The following DNAH17 variants were observed in gnomAD, a reference collection of about 807,000 sequenced individuals.
DNAH17 encodes dynein axonemal heavy chain 17.
In DNAH17, 376 loss-of-function variants were observed where a neutral mutation model predicts 485.6. That is an observed-to-expected ratio of 0.77 (90% confidence interval 0.71 to 0.84). DNAH17 has a LOEUF of 0.84. Ranked by LOEUF, DNAH17 falls within the 40% of genes least tolerant of loss-of-function variation. The probability of loss-of-function intolerance (pLI) is 0.00; values close to 1 mark genes in which losing one functional copy is unlikely to be tolerated. For synonymous variants in DNAH17, 3,031 were observed against 2,405.9 expected, an observed-to-expected ratio of 1.26 and a Z score of -7.60; for missense variants, 6,370 against 5,839.3, an observed-to-expected ratio of 1.09 and a Z score of -2.96.
chr17:78,564,348 G>A (rs1018426063), intron 11 of DNAH17, among the ~76,000 whole-genome samples: 6 of 151,428 alleles, frequency 4.0e-5, no homozygotes, highest in East Asian at 1.9e-4. Context: ...GGCCCTGGCC[G>A]GGTGACCAAG....
chr17:78,568,550 CTCTCA>C (rs147520175), intron 9 of DNAH17, among the ~76,000 whole-genome samples: 3,248 of 152,290 alleles, frequency 0.021, 109 homozygotes, highest in African/African-American at 0.074. Flanking sequence ...GTCTTGATCC[CTCTCA>C]TCTCTTCTCT....
In DNAH17 at chr17:78,426,990, T is replaced by C. The variant is rs147406428; in HGVS notation, c.12707A>G (p.Glu4236Gly). Reference protein sequence around the residue: ...PYVVVAFQECERMNILTNEMR... With the variant: ...PYVVVAFQECGRMNILTNEMR... ...TTCGTTGGTCAGGATGTTCATTCTT[T>C]CACATTCTTGAAAGGCGACTACCAC... The change falls in exon 78 of 81, where the codon GAA becomes GGA. Residue 4236 changes from glutamate (E) to glycine (G), a missense_variant. Glu to Gly is a moderately conservative substitution (Grantham distance 98, BLOSUM62 -2). Transcript: ENST00000389840. The C allele has an allele frequency of 4.2e-5, 68 of 1,610,602 alleles. No homozygotes were observed. Among genetic ancestry groups the C allele is most frequent in the Middle Eastern group, 1.6e-4 (1 of 6,084 alleles).
Position 78,552,716 on chromosome 17 carries a change from T to C in DNAH17, c.2268A>G (p.Thr756=), listed in dbSNP as rs2091930907. The stretch of plus-strand genomic sequence containing the variant: ...CCGTACCTTCGCCATTCCAGAATAA[T>C]GTCGTTTCAGCGCTCAATAACTTGA... ...IDVKLLSAET[T]LFWNGEGVFQ... The change falls in exon 15 of 81, where the codon ACA becomes ACG. Residue 756 remains threonine, a synonymous_variant. Coordinates refer to ENST00000389840, the MANE Select transcript of DNAH17 (RefSeq NM_173628.4). The C allele has an allele frequency of 1.2e-6, 2 of 1,613,898 alleles. No homozygotes were observed. Among genetic ancestry groups the C allele is most frequent in the Non-Finnish European group, 1.7e-6 (2 of 1,179,784 alleles).
intron 25 of DNAH17, among the ~76,000 whole-genome samples, chr17:78,524,550 G>A (rs76976553): frequency 0.028 from 4,266 of 152,246 alleles, 97 homozygotes; most frequent in Non-Finnish European, 0.04. Context: ...CACAAAGTGC[G>A]TCCTCACCAG....
At chr17:78,473,804 TAG>T (rs1021054986) in intron 54 of DNAH17, among the ~76,000 whole-genome samples, 2 of 152,186 alleles carry the variant, frequency 1.3e-5, no homozygotes, top group African/African-American at 2.4e-5. Context: ...GTTAATAGAC[TAG>T]AGACTTCAAT....
chr17:78,494,946 A>G lies in DNAH17; in HGVS notation c.6042+13T>C, dbSNP rs2090012600. The G allele has an allele frequency of 6.2e-7, 1 of 1,606,960 alleles. No homozygotes were observed. Among genetic ancestry groups the G allele is most frequent in the East Asian group, 2.2e-5 (1 of 44,690 alleles). The stretch of plus-strand genomic sequence containing the variant: ...CCCACCCACACCCGCCGTGAGCTCC[A>G]GGACACACACACCTGCTTCGAGAGC... On this transcript the variant is annotated intron_variant, in intron 39 of 80. Coordinates refer to ENST00000389840, the MANE Select transcript of DNAH17 (RefSeq NM_173628.4).
chr17:78,475,362 G>A lies in DNAH17; in HGVS notation c.8427C>T (p.Ser2809=). ...LVGVGGSGKQ[S]LSRLAAYISG... ...TGATGTACGCTGCCAGGCGGGAGAG[G>A]CTCTGTTTGCCACTGCCGCCCACCC... is the stretch of plus-strand genomic sequence containing the variant. The change falls in exon 54 of 81, where the codon AGC becomes AGT. Residue 2809 remains serine, a synonymous_variant. Coordinates refer to ENST00000389840, the MANE Select transcript of DNAH17 (RefSeq NM_173628.4). The A allele has an allele frequency of 1.2e-6, 2 of 1,613,986 alleles. No homozygotes were observed. The highest frequency in any genetic ancestry group is 2.2e-5 in the East Asian group (1 of 44,888).
chr17:78,496,077 C>G, intron 37 of DNAH17, 45 bp from the exon 38 acceptor site: 2 of 1,587,968 alleles, frequency 1.3e-6, no homozygotes, highest in Non-Finnish European at 1.7e-6. Flanking sequence ...AAATGGCCAG[C>G]TTCCACACAC....
intron 54 of DNAH17, among the ~76,000 whole-genome samples, chr17:78,470,298 C>G (rs941280717): frequency 6.6e-6 from 1 of 150,640 alleles, no homozygotes. Context: ...GAACTCCGGA[C>G]CTCAAGTGAT....
rs1204987271 is a variant in DNAH17, at chr17:78,552,724, C to G, written c.2260G>C (p.Glu754Gln). Residue 754 changes from glutamate (E) to glutamine (Q), a missense_variant, in exon 15 of 81, where the codon GAA (glutamate) becomes CAA (glutamine). Coordinates refer to ENST00000389840, the MANE Select transcript of DNAH17 (RefSeq NM_173628.4). Reference protein sequence around the residue: ...EAIDVKLLSAETTLFWNGEGV... With the variant: ...EAIDVKLLSAQTTLFWNGEGV... ...TCGCCATTCCAGAATAATGTCGTTTCAGCGCTCAATAACTTGACATCAATT... is the reference window on the plus strand; with the variant it reads ...TCGCCATTCCAGAATAATGTCGTTTGAGCGCTCAATAACTTGACATCAATT... 6.2e-7 allele frequency: 1 copy of G among 1,613,780 alleles called. No homozygotes were observed. The highest frequency in any genetic ancestry group is 8.5e-7 in the Non-Finnish European group (1 of 1,179,828).
chr17:78,461,415 A>G (rs2088119739), intron 58 of DNAH17, 129 bp downstream of exon 58: 1 of 1,033,210 alleles, frequency 9.7e-7, no homozygotes, highest in African/African-American at 1.7e-5. Context: ...TGGTTTAGGA[A>G]CCTTGTCCTT....
At position 78,426,450 on chromosome 17, in the gene DNAH17, C is replaced by T; in HGVS notation, c.12915+7G>A. The T allele has an allele frequency of 1.9e-6, 3 of 1,590,906 alleles. No individual in the cohort carries two copies. The highest frequency in any genetic ancestry group is 1.7e-6 in the Non-Finnish European group (2 of 1,168,502). ...TTAGGAAGCCTCTCAGAGAAAACGGCACTTACCCTGATGCGGAGCAGCAGG... is the reference window on the plus strand; with the variant it reads ...TTAGGAAGCCTCTCAGAGAAAACGGTACTTACCCTGATGCGGAGCAGCAGG... On this transcript the variant is annotated splice_region_variant and intron_variant, in intron 79 of 80. Coordinates refer to ENST00000389840, the MANE Select transcript of DNAH17 (RefSeq NM_173628.4).
chr17:78,462,791 G>T, intron 57 of DNAH17, 53 bp downstream of exon 57: 1 of 1,578,724 alleles, frequency 6.3e-7, no homozygotes, highest in South Asian at 1.1e-5. Flanking sequence ...AGCAGCTCCT[G>T]CGAGGCCTCC....
rs182743410 is a variant in DNAH17, at chr17:78,475,612, G to A, written c.8319+57C>T. 2.1e-4 allele frequency: 335 copies of A among 1,605,550 alleles called. 1 individual carries two copies. The highest frequency in any genetic ancestry group is 8.0e-5 in the Non-Finnish European group (94 of 1,175,212). ...CCACTCGGATGTCGATAATGCAACCGGAGAGGGTGACCCGGTCCAGGTCCC... is the reference window on the plus strand; with the variant it reads ...CCACTCGGATGTCGATAATGCAACCAGAGAGGGTGACCCGGTCCAGGTCCC... On this transcript the variant is annotated intron_variant, in intron 53 of 80. Transcript: ENST00000389840.
At chr17:78,466,920 G>T (rs1223643067) in intron 55 of DNAH17, 104 bp from the exon 56 acceptor site, 1 of 1,299,196 alleles carries the variant, frequency 7.7e-7, no homozygotes, top group Non-Finnish European at 1.0e-6. Context: ...CGCCCTGCCG[G>T]GCTCAGCCGC....
At chr17:78,524,649 T>G (rs1598639549) in intron 25 of DNAH17, among the ~76,000 whole-genome samples, 2 of 152,214 alleles carry the variant, frequency 1.3e-5, no homozygotes, top group East Asian at 3.9e-4. Context: ...TTTATGGGAT[T>G]TTGTTAGAGC....
rs76221402 is a variant in DNAH17 at position 78,531,187 on chromosome 17, A to T, written c.3115-675T>A. Among the ~76,000 whole-genome samples the T allele has an allele frequency of 7.4e-3, 1,122 of 152,088 alleles. 36 individuals carry two copies. The East Asian group carries it at 0.078, about 11-fold the overall frequency. On this transcript the variant is annotated intron_variant, in intron 20 of 80. Coordinates refer to ENST00000389840, the MANE Select transcript of DNAH17 (RefSeq NM_173628.4). ...ACTGTACTGGGGTCTCTCCCTTTAG[A>T]TCTACCACTGTTTGCTTTATATATC...
chr17:78,460,316 G>A (rs981736077), intron 58 of DNAH17, 59 bp from the exon 59 acceptor site: 24 of 1,156,868 alleles, frequency 2.1e-5, no homozygotes, highest in South Asian at 2.9e-5. Flanking sequence ...CTGTGGGGGC[G>A]TGTACGTGCA....
In DNAH17 at chr17:78,570,282, T is replaced by C; in HGVS notation, c.1009A>G (p.Ile337Val). The change falls in exon 7 of 81, where the codon ATC becomes GTC. Residue 337 changes from isoleucine to valine, a missense_variant. Coordinates refer to ENST00000389840, the MANE Select transcript of DNAH17 (RefSeq NM_173628.4). ...YYNTPARIIV[I>V]LQEFCNQIIE... is the part of the protein sequence containing the mutation. ...ATTTGGTTGCAGAACTCCTGCAGGA[T>C]GACGATGATCCTGGCAGGTGTGTTA... is the stretch of plus-strand genomic sequence containing the variant. 1.3e-6 allele frequency: 2 copies of C among 1,596,126 alleles called. No homozygotes were observed. The highest frequency in any genetic ancestry group is 2.3e-5 in the East Asian group (1 of 44,224).
Sources: gnomAD v4.1 joint callset for allele counts (sites outside exome capture counted in the v4.1 genomes callset) on GRCh38, gnomAD v4.1.1 for gene constraint, MANE v1.5 for transcripts, NCBI Gene and HGNC (gene_info 2026-07-23, HGNC 2026-07-21) for gene names.